TTLL9: variants seen among roughly 807,000 people sequenced by gnomAD.
TTLL9 encodes the protein probable tubulin polyglutamylase TTLL9.
TTLL9 carries 47 observed loss-of-function variants against 65.6 expected under a neutral mutation model. The observed-to-expected ratio is 0.72, with a 90% CI of 0.57 to 0.91. TTLL9 has a LOEUF of 0.91. TTLL9 is among the 40% of genes least tolerant of loss of function. The probability of loss-of-function intolerance (pLI) is 0.00; values close to 1 mark genes in which losing one functional copy is unlikely to be tolerated. For missense variants in TTLL9, 537 were observed against 568.8 expected (o/e 0.94, Z 0.57); for synonymous variants, 179 against 204.8 (o/e 0.87, Z 1.07).
At chr20:31,880,961 CCTCT>C (rs1195849549) in intron 2 of TTLL9, among the ~76,000 whole-genome samples, 2 of 150,998 alleles carry the variant, frequency 1.3e-5, no homozygotes, top group Non-Finnish European at 2.9e-5. Flanking sequence ...GATTTTCCTC[CCTCT>C]GCTTCCCAAG....
intron 13 of TTLL9, among the ~76,000 whole-genome samples, chr20:31,938,500 G>A (rs1458609368): frequency 1.3e-5 from 2 of 152,138 alleles, no homozygotes; most frequent in African/African-American, 2.4e-5. Flanking sequence ...CATACCCTGC[G>A]GACACAGTAA....
chr20:31,907,626 A>C (rs946981148), intron 4 of TTLL9, among the ~76,000 whole-genome samples: 4 of 151,848 alleles, frequency 2.6e-5, no homozygotes, highest in African/African-American at 9.7e-5. Context: ...GAGGCTGAGG[A>C]AGGAAAATCG....
chr20:31,921,739 C>T (rs2063818615), intron 7 of TTLL9, among the ~76,000 whole-genome samples: 1 of 152,166 alleles, frequency 6.6e-6, no homozygotes, highest in Admixed American at 6.5e-5. Context: ...AACCAAATAC[C>T]GCATGTTCTC....
intron 3 of TTLL9, among the ~76,000 whole-genome samples, chr20:31,895,816 TTTA>T (rs1301068238): frequency 8.2e-5 from 2 of 24,412 alleles, no homozygotes; most frequent in Non-Finnish European, 1.8e-4. Context: ...TATTCATGTA[TTTA>T]TTTATTTATT....
intron 3 of TTLL9, among the ~76,000 whole-genome samples, chr20:31,889,623 A>G (rs1489315991): frequency 1.3e-5 from 2 of 151,910 alleles, no homozygotes; most frequent in East Asian, 3.9e-4. Flanking sequence ...GAGTTTCACC[A>G]TATTGGCCAG....
At chr20:31,884,218 ATTAT>A (rs138716259) in intron 2 of TTLL9, 30,536 of 386,300 alleles carry the variant, frequency 0.079, 2,559 homozygotes, top group African/African-American at 0.27. Context: ...CCTTATAGTT[ATTAT>A]TTATTTATTT....
chr20:31,881,987 GA>G (rs1317986983), intron 2 of TTLL9, among the ~76,000 whole-genome samples: 1 of 152,192 alleles, frequency 6.6e-6, no homozygotes, highest in Non-Finnish European at 1.5e-5. Context: ...GAAAGGGAAA[GA>G]AAGGTCTCCT....
chr20:31,908,397 C>T (rs1193895754), intron 4 of TTLL9, among the ~76,000 whole-genome samples, 194 bp from the exon 5 acceptor site: 2 of 152,186 alleles, frequency 1.3e-5, no homozygotes, highest in Non-Finnish European at 2.9e-5. Context: ...TTTGTGGGAA[C>T]ATTTCCCTGG....
chr20:31,883,896 C>T, intron 2 of TTLL9: 1 of 408,354 alleles, frequency 2.4e-6, no homozygotes, highest in Admixed American at 4.4e-5. Context: ...AGGATGTCAG[C>T]TCTTACCACT....
intron 2 of TTLL9, among the ~76,000 whole-genome samples, chr20:31,885,958 G>A (rs918067784): frequency 5.3e-5 from 8 of 152,368 alleles, no homozygotes; most frequent in Middle Eastern, 6.8e-3. Context: ...GGAGCTGCAG[G>A]CAGCCTCTAG....
chr20:31,943,654 G>A lies in TTLL9; in HGVS notation c.*633G>A, dbSNP rs1342780373. On this transcript the variant is annotated 3_prime_UTR_variant, in exon 15 of 15. Transcript: ENST00000535842. ...CATCATCTGAAAACCAGTGGGACAG[G>A]GCATCCCCATTTCTCAGATGGACAA... is the stretch of plus-strand genomic sequence containing the variant. The A allele has an allele frequency of 8.9e-6, 4 of 449,430 alleles. No individual in the cohort carries two copies. Among genetic ancestry groups the A allele is most frequent in the African/African-American group, 8.0e-5 (4 of 49,844 alleles). 27.8% of individuals were successfully genotyped at this position (449,430 alleles called of 1,614,324 possible).
chr20:31,884,176 A>G, intron 2 of TTLL9: 1 of 421,174 alleles, frequency 2.4e-6, no homozygotes, highest in Admixed American at 4.3e-5. Flanking sequence ...ATTGTCACCA[A>G]TTCAATGGCT....
At chr20:31,939,323 G>T in intron 14 of TTLL9, 57 bp downstream of exon 14, 1 of 1,597,018 alleles carries the variant, frequency 6.3e-7, no homozygotes. Flanking sequence ...GAGGTACCAG[G>T]TAGTCTAGGA....
At position 31,934,749 on chromosome 20, in the gene TTLL9, G is replaced by A. The variant is rs757649275; in HGVS notation, c.865G>A (p.Glu289Lys). ...RQYLASKHGP[E>K]AVETLFRDID... ...GTACCTGGCGTCCAAACACGGGCCC[G>A]AGGCAGTGGAGACACTCTTCAGGGA... Residue 289 changes from glutamate (E) to lysine (K), a missense_variant, in exon 12 of 15, where the codon GAG becomes AAG. This residue lies in a region of TTLL9 where 205 missense variants were observed against 225.9 expected (regional missense o/e 0.91). Coordinates refer to ENST00000535842, the MANE Select transcript of TTLL9 (RefSeq NM_001008409.5). The A allele has an allele frequency of 3.7e-6, 6 of 1,613,012 alleles. No individual in the cohort carries two copies. Among genetic ancestry groups the A allele is most frequent in the East Asian group, 4.5e-5 (2 of 44,878 alleles).
Position 31,943,073 on chromosome 20 carries a change from C to G in TTLL9, c.*52C>G. 6.6e-6 allele frequency: 10 copies of G among 1,526,526 alleles called. No individual in the cohort carries two copies. Among genetic ancestry groups the G allele is most frequent in the Non-Finnish European group, 9.1e-6 (10 of 1,102,944 alleles). 94.6% of individuals were successfully genotyped at this position (1,526,526 alleles called of 1,614,324 possible). On this transcript the variant is annotated 3_prime_UTR_variant, in exon 15 of 15. Transcript: ENST00000535842. ...CTTAGCAGGTGCCACCCAGGCCTCC[C>G]CCCCACTCCCAGATCCCAGCACAGC...
At position 31,870,756 on chromosome 20, in the gene TTLL9, G is replaced by C. The variant is rs943432272; in HGVS notation, c.-199G>C. On this transcript the variant is annotated 5_prime_UTR_variant, in exon 1 of 15. Transcript: ENST00000535842. The surrounding 1 kb of genome is among the most constrained non-coding windows in gnomAD (Gnocchi z 6.6). ...TGGCACCGGCAGGCGCGGGCGGATG[G>C]GGGGATGTCGCCTAGAGCCCCCCGG... 40 of 496,548 alleles carry C rather than the reference G, an allele frequency of 8.1e-5. No individual in the cohort carries two copies. The highest frequency in any genetic ancestry group is 1.3e-4 in the Non-Finnish European group (39 of 300,542). The allele number at this position is 496,548 out of a possible 1,614,324, so 30.8% of individuals were successfully genotyped here.
At chr20:31,903,360 TTTATC>T (rs1235480891) in intron 4 of TTLL9, among the ~76,000 whole-genome samples, 9 of 152,240 alleles carry the variant, frequency 5.9e-5, no homozygotes, top group African/African-American at 1.9e-4. Context: ...TTATAAGAAT[TTTATC>T]TTATAAGGGT....
intron 4 of TTLL9, among the ~76,000 whole-genome samples, chr20:31,904,433 C>T (rs1568780282): frequency 7.0e-6 from 1 of 143,374 alleles, no homozygotes; most frequent in Non-Finnish European, 1.5e-5. Flanking sequence ...TCATGGGTCA[C>T]TGCAGCCTTG....
chr20:31,932,142 C>A (rs2064025021), intron 10 of TTLL9, among the ~76,000 whole-genome samples: 2 of 152,210 alleles, frequency 1.3e-5, no homozygotes, highest in East Asian at 3.9e-4. Flanking sequence ...AGTTTGAGAC[C>A]AGCCTGGGCA....
Sources: gnomAD v4.1 joint callset for allele counts (sites outside exome capture counted in the v4.1 genomes callset) on GRCh38, gnomAD v4.1.1 for gene constraint, gnomAD v4.1.1 regional missense constraint, Gnocchi (gnomAD v3.1) non-coding constraint, MANE v1.5 for transcripts, NCBI Gene and HGNC (gene_info 2026-07-23, HGNC 2026-07-21) for gene names.